The following CDH13 variants were observed in gnomAD, a reference collection of about 807,000 sequenced individuals.
The protein encoded by CDH13 is cadherin 13.
In CDH13, 24 loss-of-function variants were observed where a neutral mutation model predicts 63.8. That is an observed-to-expected ratio of 0.38 (90% CI 0.27 to 0.53). CDH13 has a LOEUF of 0.53. Ranked by LOEUF, CDH13 falls within the 20% of genes least tolerant of loss-of-function variation. The pLI is 0.85. For missense variants in CDH13, 1,049 were observed against 903.1 expected, an observed-to-expected ratio of 1.16 and a Z score of -2.07; for synonymous variants, 503 against 355.3, an observed-to-expected ratio of 1.42 and a Z score of -4.67.
chr16:83,729,772 A>T (rs949666761), intron 10 of CDH13, among the ~76,000 whole-genome samples: 1 of 152,234 alleles, frequency 6.6e-6, no homozygotes, highest in African/African-American at 2.4e-5. Flanking sequence ...CTCTATTATT[A>T]TCATCATCAT....
intron 6 of CDH13, among the ~76,000 whole-genome samples, chr16:83,351,575 C>G (rs941870972): frequency 1.3e-5 from 2 of 152,316 alleles, no homozygotes; most frequent in South Asian, 2.1e-4. Flanking sequence ...CAAGCAACAT[C>G]ATTGTTTCAA....
intron 7 of CDH13, among the ~76,000 whole-genome samples, chr16:83,532,793 G>T (rs570762816): frequency 6.6e-6 from 1 of 152,316 alleles, no homozygotes; most frequent in South Asian, 2.1e-4. Flanking sequence ...CACTAGAGCA[G>T]TTGTCCCATT....
At chr16:83,672,138 C>G (rs780076206) in intron 9 of CDH13, among the ~76,000 whole-genome samples, 6 of 152,190 alleles carry the variant, frequency 3.9e-5, no homozygotes, top group Non-Finnish European at 7.3e-5. Context: ...TTTCTGTGCA[C>G]CAGTTTCCTC....
Position 83,682,610 on chromosome 16 carries a change from G to A in CDH13, c.1538+4149G>A, listed in dbSNP as rs903351185. On this transcript the variant is annotated intron_variant, in intron 10 of 13. Transcript: ENST00000567109. Reference sequence around the variant, plus strand: ...GTCACCACAGTTGCTGCTGTGTCCCGAGAACACGGTCACTTCCTTAACTAC... The same window carrying A: ...GTCACCACAGTTGCTGCTGTGTCCCAAGAACACGGTCACTTCCTTAACTAC... Among the ~76,000 whole-genome samples the A allele has an allele frequency of 2.6e-5, 4 of 152,082 alleles. No homozygotes were observed. In the South Asian group the frequency reaches 8.3e-4, roughly 32 times the overall value.
chr16:83,032,836 C>T (rs1916494265), intron 3 of CDH13, among the ~76,000 whole-genome samples: 1 of 152,114 alleles, frequency 6.6e-6, no homozygotes, highest in Admixed American at 6.5e-5. Flanking sequence ...AATGTAGTTC[C>T]TCAAAGTAAA....
At chr16:82,700,056 G>GAT (rs879835259) in intron 1 of CDH13, among the ~76,000 whole-genome samples, 8,858 of 152,262 alleles carry the variant, frequency 0.058, 575 homozygotes, top group African/African-American at 0.16. Flanking sequence ...GTCTTTACTA[G>GAT]GGTGACACAA....
chr16:82,817,269 C>G (rs1163068051), intron 1 of CDH13, among the ~76,000 whole-genome samples: 1 of 152,038 alleles, frequency 6.6e-6, no homozygotes, highest in African/African-American at 2.4e-5. Flanking sequence ...ACCCAGTGGC[C>G]ATACAGGTCC....
intron 5 of CDH13, among the ~76,000 whole-genome samples, chr16:83,229,768 C>T (rs1264844915): frequency 6.6e-6 from 1 of 152,022 alleles, no homozygotes; most frequent in Non-Finnish European, 1.5e-5. Flanking sequence ...GCCTGCAGGC[C>T]CACGATGAGG....
chr16:83,372,752 A>C lies in CDH13; in HGVS notation c.781+27746A>C, dbSNP rs936471531. 8.9e-3 allele frequency among the ~76,000 whole-genome samples: 1,302 copies of C among 146,434 alleles called. 22 individuals are homozygous for C. The highest frequency in any genetic ancestry group is 0.028 in the African/African-American group (1,121 of 39,388). ...GGTGACAGAGCGAGACTCGGTCTAAAAAAAAAAAAAAAAAAAAAAAAGACA... is the reference window on the plus strand; with the variant it reads ...GGTGACAGAGCGAGACTCGGTCTAACAAAAAAAAAAAAAAAAAAAAAGACA... On this transcript the variant is annotated intron_variant, in intron 6 of 13. Transcript: ENST00000567109.
intron 6 of CDH13, among the ~76,000 whole-genome samples, chr16:83,380,679 C>T (rs909497797): frequency 6.6e-6 from 1 of 152,134 alleles, no homozygotes; most frequent in Admixed American, 6.5e-5. Flanking sequence ...CTGATTGGAG[C>T]TCCAGCCTTC....
At chr16:83,381,752 C>G (rs1296002380) in intron 6 of CDH13, among the ~76,000 whole-genome samples, 1 of 151,926 alleles carries the variant, frequency 6.6e-6, no homozygotes, top group Admixed American at 6.6e-5. Context: ...AGGATAAACA[C>G]CTTCCTTCCT....
intron 8 of CDH13, among the ~76,000 whole-genome samples, chr16:83,668,756 C>T (rs183557006): frequency 2.0e-5 from 3 of 152,284 alleles, no homozygotes; most frequent in Admixed American, 6.5e-5. Flanking sequence ...AGCACTCTTC[C>T]TTCTTCCTTC....
chr16:83,009,497 C>CTATAAA (rs1473223561), intron 2 of CDH13, among the ~76,000 whole-genome samples: 3 of 152,118 alleles, frequency 2.0e-5, no homozygotes, highest in Admixed American at 6.5e-5. Context: ...AGACAGCAGG[C>CTATAAA]ATCATGATTC....
intron 1 of CDH13, among the ~76,000 whole-genome samples, chr16:82,820,653 C>G (rs567025628): frequency 3.3e-5 from 5 of 152,246 alleles, no homozygotes; most frequent in African/African-American, 1.2e-4. Context: ...AGCACTAAGG[C>G]TATAGAAATG....
At chr16:83,486,766 AATG>A in intron 7 of CDH13, 111 bp downstream of exon 7, 1 of 950,818 alleles carries the variant, frequency 1.1e-6, no homozygotes, top group Non-Finnish European at 1.6e-6. Flanking sequence ...TAAAGGCAGA[AATG>A]AGGTGTTTAC....
chr16:83,324,855 C>T (rs1184958588), intron 5 of CDH13, among the ~76,000 whole-genome samples: 4 of 152,148 alleles, frequency 2.6e-5, no homozygotes, highest in Non-Finnish European at 5.9e-5. Context: ...AATGCTGTTA[C>T]GTTGCCCTTA....
At chr16:82,875,749 C>T (rs569399518) in intron 2 of CDH13, among the ~76,000 whole-genome samples, 9 of 152,200 alleles carry the variant, frequency 5.9e-5, no homozygotes, top group Admixed American at 2.6e-4. Context: ...AAAGAGCATT[C>T]GAGAAACTAG....
intron 4 of CDH13, among the ~76,000 whole-genome samples, chr16:83,177,335 C>T (rs1333881910): frequency 2.0e-5 from 3 of 152,170 alleles, no homozygotes; most frequent in East Asian, 1.9e-4. Context: ...GACTAATCAC[C>T]AAATCTCCAA....
At chr16:83,565,244 C>G (rs1015971944) in intron 7 of CDH13, among the ~76,000 whole-genome samples, 18 of 152,226 alleles carry the variant, frequency 1.2e-4, no homozygotes, top group African/African-American at 4.3e-4. Flanking sequence ...TCATAGTACC[C>G]TGACCCCAGA....
Sources: allele counts gnomAD v4.1 joint callset (sites outside exome capture counted in the v4.1 genomes callset), GRCh38; gene constraint gnomAD v4.1.1; transcripts MANE v1.5; gene names NCBI Gene and HGNC (gene_info 2026-07-23, HGNC 2026-07-21).